SLC41A2: variants seen among roughly 807,000 people sequenced by gnomAD.
The protein encoded by SLC41A2 is SLC41A1-like 1.
Under a neutral mutation model 58.3 loss-of-function variants are expected in SLC41A2, and 32 were observed. That is an observed-to-expected ratio of 0.55 (90% CI 0.41 to 0.74). The LOEUF (loss-of-function observed/expected upper bound fraction) is 0.74. SLC41A2 is among the 30% of genes least tolerant of loss of function. The pLI, the probability that SLC41A2 is intolerant of heterozygous loss-of-function variation, is 0.00. For missense variants in SLC41A2, 514 were observed against 680.6 expected (o/e 0.76, Z 2.72); for synonymous variants, 190 against 235.0 (o/e 0.81, Z 1.75).
At chr12:104,851,767 C>T (rs2042809115) in intron 8 of SLC41A2, 1 of 152,238 alleles carries the variant, frequency 6.6e-6, no homozygotes, top group South Asian at 2.1e-4. Flanking sequence ...AGGTGACTAT[C>T]TTTTTTAAAG....
Position 104,949,352 on chromosome 12 carries a change from T to A in SLC41A2, c.-168+8736A>T, listed in dbSNP as rs187657618. On this transcript the variant is annotated intron_variant, in intron 1 of 10. Coordinates refer to ENST00000258538, the MANE Select transcript of SLC41A2 (RefSeq NM_001352171.3). ...TGTGGAAGAAATAAGGGAACACTTA[T>A]AACTTTAGTACCTGCTCCCAGAATG... 2.0e-5 allele frequency among the ~76,000 whole-genome samples: 3 copies of A among 152,356 alleles called. No homozygotes were observed. The East Asian group carries it at 5.8e-4, about 29-fold the overall frequency.
chr12:104,924,229 T>C (rs369839900), intron 2 of SLC41A2, among the ~76,000 whole-genome samples: 3 of 152,186 alleles, frequency 2.0e-5, no homozygotes, highest in African/African-American at 7.2e-5. Context: ...CCACTCCACA[T>C]GTGCCAGAAT....
intron 1 of SLC41A2, among the ~76,000 whole-genome samples, chr12:104,957,806 C>T (rs2048225284): frequency 6.6e-6 from 1 of 152,200 alleles, no homozygotes; most frequent in African/African-American, 2.4e-5. Flanking sequence ...CGCCGCCTGT[C>T]CCTGCCTTGG....
At chr12:104,852,393 A>G (rs1255427883) in intron 8 of SLC41A2, among the ~76,000 whole-genome samples, 6 of 152,186 alleles carry the variant, frequency 3.9e-5, no homozygotes, top group Non-Finnish European at 8.8e-5. Flanking sequence ...AAGCCAACGT[A>G]TATCTACTCT....
chr12:104,823,728 A>G (rs1468777842), intron 10 of SLC41A2, among the ~76,000 whole-genome samples: 1 of 152,192 alleles, frequency 6.6e-6, no homozygotes, highest in Non-Finnish European at 1.5e-5. Context: ...TAGGATATGA[A>G]AAGCACTAAT....
intron 6 of SLC41A2, among the ~76,000 whole-genome samples, chr12:104,870,254 C>T (rs963755653): frequency 1.3e-5 from 2 of 152,042 alleles, no homozygotes; most frequent in African/African-American, 2.4e-5. Context: ...AGCTACCAGC[C>T]GAGAACACCG....
At chr12:104,862,444 G>A (rs2043246235) in intron 7 of SLC41A2, among the ~76,000 whole-genome samples, 1 of 151,952 alleles carries the variant, frequency 6.6e-6, no homozygotes, top group Non-Finnish European at 1.5e-5. Context: ...AAACCTCCCT[G>A]ACAAAATATA....
chr12:104,950,702 A>G (rs2047919774), intron 1 of SLC41A2, among the ~76,000 whole-genome samples: 1 of 152,220 alleles, frequency 6.6e-6, no homozygotes, highest in South Asian at 2.1e-4. Flanking sequence ...CTTTATTTAA[A>G]TTAAACCCTA....
chr12:104,815,307 GTA>G (rs1207615305), intron 10 of SLC41A2, among the ~76,000 whole-genome samples: 4 of 152,272 alleles, frequency 2.6e-5, no homozygotes, highest in African/African-American at 9.6e-5. Context: ...CACACCAAGG[GTA>G]GACTGTGTTT....
At chr12:104,904,753 T>C (rs989824020) in intron 3 of SLC41A2, among the ~76,000 whole-genome samples, 1 of 151,352 alleles carries the variant, frequency 6.6e-6, no homozygotes, top group African/African-American at 2.4e-5. Flanking sequence ...AGGCATCGCG[T>C]CTGGAGTTGT....
At chr12:104,911,104 T>C (rs976773145) in intron 2 of SLC41A2, among the ~76,000 whole-genome samples, 8 of 152,228 alleles carry the variant, frequency 5.3e-5, no homozygotes, top group Admixed American at 3.3e-4. Context: ...TTTAAACCAA[T>C]TGCCAATCAG....
intron 8 of SLC41A2, 47 bp downstream of exon 8, chr12:104,861,244 G>T: frequency 7.3e-7 from 1 of 1,364,474 alleles, no homozygotes; most frequent in Non-Finnish European, 1.0e-6. Context: ...AGACTAAGAG[G>T]ATACGAAGAT....
intron 1 of SLC41A2, among the ~76,000 whole-genome samples, chr12:104,949,561 G>T (rs1352220984): frequency 6.6e-6 from 1 of 151,768 alleles, no homozygotes; most frequent in Non-Finnish European, 1.5e-5. Flanking sequence ...TTGAAAGGAG[G>T]AATGAACAAA....
At chr12:104,925,427 G>T (rs1045109090) in intron 2 of SLC41A2, among the ~76,000 whole-genome samples, 1 of 151,922 alleles carries the variant, frequency 6.6e-6, no homozygotes, top group Non-Finnish European at 1.5e-5. Context: ...GCGCGGTGGC[G>T]GGCGCCTGTA....
intron 10 of SLC41A2, among the ~76,000 whole-genome samples, chr12:104,808,271 C>T (rs1038235668): frequency 6.6e-6 from 1 of 152,148 alleles, no homozygotes; most frequent in African/African-American, 2.4e-5. Context: ...GAGTTTTTAG[C>T]AGGAAGCATT....
intron 6 of SLC41A2, among the ~76,000 whole-genome samples, chr12:104,870,236 A>G (rs1341592577): frequency 1.3e-5 from 2 of 152,218 alleles, no homozygotes; most frequent in Non-Finnish European, 2.9e-5. Flanking sequence ...CAGAGATTGG[A>G]GTCATACAGC....
chr12:104,927,870 A>C (rs2046905736), intron 2 of SLC41A2, 103 bp downstream of exon 2: 2 of 1,071,606 alleles, frequency 1.9e-6, no homozygotes, highest in South Asian at 4.8e-5. Flanking sequence ...GGATAAATTA[A>C]ATCTAAAGTG....
intron 4 of SLC41A2, among the ~76,000 whole-genome samples, chr12:104,892,054 CT>C (rs1295250735): frequency 6.6e-6 from 1 of 152,128 alleles, no homozygotes; most frequent in African/African-American, 2.4e-5. Flanking sequence ...AATCCCAGTA[CT>C]TCGGGAGGCT....
chr12:104,807,226 T>G (rs1421923725), intron 10 of SLC41A2, among the ~76,000 whole-genome samples: 2 of 152,210 alleles, frequency 1.3e-5, no homozygotes. Flanking sequence ...TTAATCCATC[T>G]CGAATTAATT....
Sources: allele counts gnomAD v4.1 joint callset (sites outside exome capture counted in the v4.1 genomes callset), GRCh38; gene constraint gnomAD v4.1.1; transcripts MANE v1.5; gene names NCBI Gene and HGNC (gene_info 2026-07-23, HGNC 2026-07-21).